Variants in SLC25A48 observed in about 807,000 individuals in gnomAD.
SLC25A48 encodes CTC-321K16.1.
A neutral mutation model predicts 32.2 loss-of-function variants in SLC25A48; 29 were observed. That is an observed-to-expected ratio of 0.90 (90% CI 0.67 to 1.23). SLC25A48 has a LOEUF of 1.23. Ranked by LOEUF, SLC25A48 falls within the 50% of genes most tolerant of loss-of-function variation. The pLI is 0.00. For synonymous variants in SLC25A48, 164 were observed against 172.3 expected (o/e 0.95, Z 0.38); for missense variants, 399 against 422.7 (o/e 0.94, Z 0.49).
intron 4 of SLC25A48, among the ~76,000 whole-genome samples, chr5:135,871,229 G>C (rs189911710): frequency 2.0e-5 from 3 of 152,266 alleles, no homozygotes; most frequent in African/African-American, 7.2e-5. Flanking sequence ...TAAAGTAACT[G>C]GTGTTCTATC....
intron 4 of SLC25A48, among the ~76,000 whole-genome samples, chr5:135,868,661 TACACAC>T (rs71819151): frequency 2.4e-5 from 3 of 126,406 alleles, no homozygotes; most frequent in African/African-American, 8.7e-5. Context: ...TCTATGTGTA[TACACAC>T]ACACACACAT....
At chr5:135,804,462 A>G (rs1757416918) in intron 3 of SLC25A48, among the ~76,000 whole-genome samples, 1 of 151,778 alleles carries the variant, frequency 6.6e-6, no homozygotes. Context: ...GATATTATTC[A>G]TAATATGCTA....
chr5:135,668,399 T>C (rs1425312003), intron 3 of SLC25A48, among the ~76,000 whole-genome samples: 2 of 152,214 alleles, frequency 1.3e-5, no homozygotes. Context: ...CCTTCTAATT[T>C]CTGAAACATC....
At chr5:135,828,929 A>C (rs13178541) in intron 4 of SLC25A48, among the ~76,000 whole-genome samples, 108,206 of 152,094 alleles carry the variant, frequency 0.71, 39,527 homozygotes, top group Middle Eastern at 0.82. Flanking sequence ...GCCTCTGCAC[A>C]CTTCTCCACT....
At chr5:135,672,328 G>T (rs1753674899) in intron 3 of SLC25A48, among the ~76,000 whole-genome samples, 1 of 152,244 alleles carries the variant, frequency 6.6e-6, no homozygotes, top group South Asian at 2.1e-4. Context: ...AGCTGATCAT[G>T]TTGAACATTT....
intron 3 of SLC25A48, among the ~76,000 whole-genome samples, chr5:135,661,684 G>A: frequency 6.6e-6 from 1 of 152,058 alleles, no homozygotes; most frequent in Non-Finnish European, 1.5e-5. Flanking sequence ...CTCTCTAGGG[G>A]TGCATATTAT....
chr5:135,775,056 G>T (rs948550609), intron 3 of SLC25A48, among the ~76,000 whole-genome samples: 4 of 151,696 alleles, frequency 2.6e-5, no homozygotes, highest in African/African-American at 7.3e-5. Context: ...CACACCCTAT[G>T]ATACTGTTCC....
chr5:135,659,734 A>G (rs567598029), intron 3 of SLC25A48, among the ~76,000 whole-genome samples: 23 of 152,344 alleles, frequency 1.5e-4, no homozygotes, highest in African/African-American at 5.5e-4. Flanking sequence ...GGGAAGCCTC[A>G]GGAAACTTAC....
chr5:135,748,000 A>C (rs1755679360), intron 3 of SLC25A48, among the ~76,000 whole-genome samples: 1 of 152,206 alleles, frequency 6.6e-6, no homozygotes, highest in South Asian at 2.1e-4. Flanking sequence ...CCCAGCCAGC[A>C]CTGAGTTAGA....
intron 3 of SLC25A48, among the ~76,000 whole-genome samples, chr5:135,798,107 G>T (rs1291123238): frequency 6.6e-6 from 1 of 151,818 alleles, no homozygotes; most frequent in Non-Finnish European, 1.5e-5. Context: ...CCACCCCTGT[G>T]ATATTGTTCC....
At chr5:135,811,030 A>T (rs1757578957) in intron 3 of SLC25A48, among the ~76,000 whole-genome samples, 1 of 151,952 alleles carries the variant, frequency 6.6e-6, no homozygotes, top group African/African-American at 2.4e-5. Context: ...GTGTAGGGGA[A>T]CTCGGGACTT....
chr5:135,600,123 T>C (rs1200246079), intron 1 of SLC25A48, among the ~76,000 whole-genome samples: 1 of 152,230 alleles, frequency 6.6e-6, no homozygotes, highest in African/African-American at 2.4e-5. Context: ...TGCTGGGAAC[T>C]GTGTCTTTGG....
At chr5:135,847,893 T>C (rs1759547109) in intron 2 of SLC25A48, among the ~76,000 whole-genome samples, 1 of 152,180 alleles carries the variant, frequency 6.6e-6, no homozygotes, top group Admixed American at 6.5e-5. Context: ...AAGTTTGGGG[T>C]AATTTGTTAC....
intron 3 of SLC25A48, among the ~76,000 whole-genome samples, chr5:135,771,669 G>T (rs1226276639): frequency 6.6e-6 from 1 of 151,706 alleles, no homozygotes; most frequent in African/African-American, 2.4e-5. Flanking sequence ...ACAGGAGGAA[G>T]AGGGTGATAT....
intron 3 of SLC25A48, among the ~76,000 whole-genome samples, chr5:135,689,750 A>G (rs1754101483): frequency 6.6e-6 from 1 of 152,230 alleles, no homozygotes; most frequent in Admixed American, 6.5e-5. Context: ...ATTGTGCAAG[A>G]CATTTCCCGA....
At chr5:135,758,460 ATC>A (rs1202957763) in intron 3 of SLC25A48, among the ~76,000 whole-genome samples, 1 of 150,906 alleles carries the variant, frequency 6.6e-6, no homozygotes, top group Non-Finnish European at 1.5e-5. Context: ...ATAGAATATG[ATC>A]TCTATGATAT....
At chr5:135,728,636 T>C (rs1755148584) in intron 3 of SLC25A48, among the ~76,000 whole-genome samples, 1 of 152,192 alleles carries the variant, frequency 6.6e-6, no homozygotes, top group African/African-American at 2.4e-5. Flanking sequence ...TCTGAAAACA[T>C]ACTCAATTAC....
At chr5:135,820,869 A>G (rs1484263534) in intron 4 of SLC25A48, among the ~76,000 whole-genome samples, 4 of 152,206 alleles carry the variant, frequency 2.6e-5, no homozygotes, top group Non-Finnish European at 5.9e-5. Context: ...CCAGGGTCTG[A>G]GGGCACAGAG....
intron 6 of SLC25A48, among the ~76,000 whole-genome samples, chr5:135,879,613 T>G (rs11242305): frequency 7.5e-5 from 9 of 119,554 alleles, no homozygotes; most frequent in Non-Finnish European, 1.5e-4. Flanking sequence ...AGAGAGAGAG[T>G]GTGTGTGTGT....
Sources: allele counts gnomAD v4.1 joint callset (sites outside exome capture counted in the v4.1 genomes callset), GRCh38; gene constraint gnomAD v4.1.1; transcripts MANE v1.5; gene names NCBI Gene and HGNC (gene_info 2026-07-23, HGNC 2026-07-21).